Variants in KCNIP1 observed in about 807,000 individuals in gnomAD.
KCNIP1 encodes the protein potassium voltage-gated channel interacting protein 1.
KCNIP1 carries 18 observed loss-of-function variants against 33.0 expected under a neutral mutation model. That is an observed-to-expected ratio of 0.55 (90% CI 0.38 to 0.81). The LOEUF is 0.81. Ranked by LOEUF, KCNIP1 falls within the 30% of genes least tolerant of loss-of-function variation. KCNIP1 has a pLI of 0.00. For missense variants in KCNIP1, 238 were observed against 271.6 expected (o/e 0.88, Z 0.87); for synonymous variants, 93 against 98.3 (o/e 0.95, Z 0.32).
At chr5:170,522,382 A>T (rs1561666033) in intron 1 of KCNIP1, among the ~76,000 whole-genome samples, 1 of 152,194 alleles carries the variant, frequency 6.6e-6, no homozygotes, top group Non-Finnish European at 1.5e-5. Context: ...CATTATTGTA[A>T]TGTGCTCCCC....
intron 1 of KCNIP1, among the ~76,000 whole-genome samples, chr5:170,368,596 G>A (rs1763762440): frequency 6.6e-6 from 1 of 152,120 alleles, no homozygotes. Flanking sequence ...TGCATTTTCT[G>A]AATTGTCTTC....
At chr5:170,371,152 C>T (rs11134626) in intron 1 of KCNIP1, among the ~76,000 whole-genome samples, 23,727 of 152,144 alleles carry the variant, frequency 0.16, 2,066 homozygotes, top group Admixed American at 0.19. Flanking sequence ...GTTCAAGGAT[C>T]GCTGCAACCA....
chr5:170,431,309 A>T (rs535567730), intron 1 of KCNIP1, among the ~76,000 whole-genome samples: 50 of 152,338 alleles, frequency 3.3e-4, no homozygotes, highest in Non-Finnish European at 7.4e-5. Context: ...CCTGCCCTCC[A>T]TGGCTGATGG....
intron 1 of KCNIP1, among the ~76,000 whole-genome samples, chr5:170,464,793 T>C (rs925935529): frequency 3.9e-5 from 6 of 152,292 alleles, no homozygotes; most frequent in African/African-American, 1.4e-4. Context: ...TTGGGAATCA[T>C]GGAATTCTAA....
chr5:170,569,773 G>A (rs568328555), intron 1 of KCNIP1, among the ~76,000 whole-genome samples: 2 of 151,990 alleles, frequency 1.3e-5, no homozygotes, highest in Non-Finnish European at 2.9e-5. Context: ...AGGTTGAAAG[G>A]TGTCTGGCAC....
chr5:170,701,807 G>A (rs1402614522), intron 1 of KCNIP1, among the ~76,000 whole-genome samples: 1 of 152,006 alleles, frequency 6.6e-6, no homozygotes, highest in Non-Finnish European at 1.5e-5. Context: ...TCCTGTTGTT[G>A]GCAACTGAGA....
chr5:170,369,866 CTAT>C (rs919787248), intron 1 of KCNIP1, among the ~76,000 whole-genome samples: 3 of 152,194 alleles, frequency 2.0e-5, no homozygotes, highest in African/African-American at 7.2e-5. Context: ...CTGGCCAGGC[CTAT>C]TATTATCACG....
chr5:170,533,532 G>T (rs1755859704), intron 1 of KCNIP1, among the ~76,000 whole-genome samples: 1 of 152,186 alleles, frequency 6.6e-6, no homozygotes, highest in South Asian at 2.1e-4. Flanking sequence ...TCACAGGAGG[G>T]CAGGTGGCAC....
intron 1 of KCNIP1, among the ~76,000 whole-genome samples, chr5:170,561,709 G>T (rs946683481): frequency 1.3e-5 from 2 of 152,230 alleles, no homozygotes; most frequent in Non-Finnish European, 2.9e-5. Flanking sequence ...GCACACAGTA[G>T]GTACACAAGG....
At chr5:170,478,604 C>G (rs868833720) in intron 1 of KCNIP1, among the ~76,000 whole-genome samples, 1 of 152,276 alleles carries the variant, frequency 6.6e-6, no homozygotes, top group Admixed American at 6.5e-5. Context: ...TCAGTTTCCC[C>G]GGGGAACCAT....
intron 1 of KCNIP1, among the ~76,000 whole-genome samples, chr5:170,479,297 G>A (rs1756923808): frequency 6.6e-6 from 1 of 152,274 alleles, no homozygotes; most frequent in African/African-American, 2.4e-5. Context: ...TGGGGGAGAG[G>A]TTAGGACTCC....
intron 1 of KCNIP1, among the ~76,000 whole-genome samples, chr5:170,582,862 C>A (rs1757848815): frequency 6.6e-6 from 1 of 152,188 alleles, no homozygotes; most frequent in Admixed American, 6.5e-5. Context: ...TGTACATTTT[C>A]TTGAATTACA....
intron 2 of KCNIP1, among the ~76,000 whole-genome samples, chr5:170,719,407 G>A (rs945985832): frequency 1.3e-5 from 2 of 152,246 alleles, no homozygotes; most frequent in African/African-American, 2.4e-5. Flanking sequence ...GAGGACGGGA[G>A]TTCCTTGTTT....
chr5:170,438,716 C>T (rs1450567553), intron 1 of KCNIP1, among the ~76,000 whole-genome samples: 1 of 152,136 alleles, frequency 6.6e-6, no homozygotes, highest in African/African-American at 2.4e-5. Context: ...CACCCCCAAG[C>T]CATTGCACAG....
intron 1 of KCNIP1, among the ~76,000 whole-genome samples, chr5:170,606,067 G>C (rs75932888): frequency 0.18 from 26,820 of 152,104 alleles, 2,911 homozygotes; most frequent in East Asian, 0.39. Context: ...GAGCCACCAC[G>C]CCTGGCCACT....
intron 5 of KCNIP1, among the ~76,000 whole-genome samples, chr5:170,724,381 T>C (rs1763937411): frequency 6.6e-6 from 1 of 152,154 alleles, no homozygotes; most frequent in African/African-American, 2.4e-5. Context: ...AAGCTTTCAC[T>C]AAATATTAGC....
At chr5:170,431,482 G>A (rs961760099) in intron 1 of KCNIP1, among the ~76,000 whole-genome samples, 14 of 152,174 alleles carry the variant, frequency 9.2e-5, no homozygotes, top group African/African-American at 3.1e-4. Flanking sequence ...AATCACATTC[G>A]TTGACCTCTG....
intron 1 of KCNIP1, among the ~76,000 whole-genome samples, chr5:170,409,720 A>T (rs1352549085): frequency 2.0e-5 from 3 of 152,128 alleles, no homozygotes; most frequent in African/African-American, 7.2e-5. Flanking sequence ...GTCTTATGCC[A>T]GTTCTACAAA....
chr5:170,409,175 G>A (rs925057116), intron 1 of KCNIP1, among the ~76,000 whole-genome samples: 2 of 152,224 alleles, frequency 1.3e-5, no homozygotes, highest in Admixed American at 6.5e-5. Flanking sequence ...TGGTCTGGCT[G>A]ATGCTCAAGA....
Sources: allele counts gnomAD v4.1 joint callset (sites outside exome capture counted in the v4.1 genomes callset), GRCh38; gene constraint gnomAD v4.1.1; transcripts MANE v1.5; gene names NCBI Gene and HGNC (gene_info 2026-07-23, HGNC 2026-07-21).